Variants in CSMD1 observed in about 807,000 individuals in gnomAD.
CSMD1 encodes the protein CUB and Sushi multiple domains 1, also known as CUB and sushi domain-containing protein 1.
In CSMD1, 213 loss-of-function variants were observed where a neutral mutation model predicts 417.5. The observed-to-expected ratio is 0.51, with a 90% CI of 0.46 to 0.57. The LOEUF (loss-of-function observed/expected upper bound fraction) is 0.57. Ranked by LOEUF, CSMD1 falls within the 20% of genes least tolerant of loss-of-function variation. The pLI, the probability that CSMD1 is intolerant of heterozygous loss-of-function variation, is 0.00. For synonymous variants in CSMD1, 2,862 were observed against 1,736.8 expected, an observed-to-expected ratio of 1.65 and a Z score of -16.11; for missense variants, 6,923 against 4,529.7, an observed-to-expected ratio of 1.53 and a Z score of -15.17.
At chr8:4,911,856 G>A (rs915230155) in intron 1 of CSMD1, among the ~76,000 whole-genome samples, 2 of 151,824 alleles carry the variant, frequency 1.3e-5, no homozygotes, top group Non-Finnish European at 2.9e-5. Context: ...AAATAAATTT[G>A]ACAATTCCTC....
chr8:4,008,449 G>C (rs993783438), intron 4 of CSMD1, among the ~76,000 whole-genome samples: 2 of 151,454 alleles, frequency 1.3e-5, no homozygotes, highest in South Asian at 2.1e-4. Context: ...TTTGGTGACA[G>C]AATTAAATAA....
intron 1 of CSMD1, among the ~76,000 whole-genome samples, chr8:4,774,833 G>C (rs1585078654): frequency 6.9e-6 from 1 of 143,888 alleles, no homozygotes; most frequent in Non-Finnish European, 1.5e-5. Flanking sequence ...CCTCCTACTG[G>C]AGGCATGTGA....
At chr8:3,373,579 C>G (rs149766661) in intron 18 of CSMD1, 7 of 152,216 alleles carry the variant, frequency 4.6e-5, no homozygotes, top group African/African-American at 1.7e-4. Context: ...AATGAAATAC[C>G]TGAATTACAT....
intron 8 of CSMD1, among the ~76,000 whole-genome samples, chr8:3,595,031 C>A (rs1165915489): frequency 6.6e-6 from 1 of 152,212 alleles, no homozygotes; most frequent in Non-Finnish European, 1.5e-5. Flanking sequence ...TCAGCATCCA[C>A]GCGGCACGTG....
intron 3 of CSMD1, among the ~76,000 whole-genome samples, chr8:4,132,648 T>A (rs1803181658): frequency 4.6e-5 from 7 of 152,298 alleles, no homozygotes; most frequent in Admixed American, 4.6e-4. Context: ...ATAAATATTC[T>A]ATCTTCACAA....
At chr8:3,770,299 C>T (rs111314406) in intron 5 of CSMD1, among the ~76,000 whole-genome samples, 2 of 151,706 alleles carry the variant, frequency 1.3e-5, no homozygotes, top group East Asian at 1.9e-4. Flanking sequence ...AGGCCGAGGG[C>T]GGGGGTGGAT....
At chr8:3,793,353 A>T (rs1793040105) in intron 5 of CSMD1, among the ~76,000 whole-genome samples, 1 of 152,090 alleles carries the variant, frequency 6.6e-6, no homozygotes, top group South Asian at 2.1e-4. Flanking sequence ...TATCATTTAA[A>T]TTCTGTCATT....
chr8:4,112,221 G>A (rs1019328406), intron 3 of CSMD1, among the ~76,000 whole-genome samples: 1 of 152,064 alleles, frequency 6.6e-6, no homozygotes, highest in African/African-American at 2.4e-5. Context: ...CCTCTTTCAG[G>A]GGTGTGAAGC....
At chr8:3,905,160 T>G (rs1265953098) in intron 5 of CSMD1, among the ~76,000 whole-genome samples, 2 of 152,150 alleles carry the variant, frequency 1.3e-5, no homozygotes, top group African/African-American at 4.8e-5. Context: ...AAAGAATGAT[T>G]AATAACAGGC....
In CSMD1 at chr8:3,394,219, G is replaced by A. The variant is rs994843991; in HGVS notation, c.2593+1975C>T. ...TTTAAGATTATAAAAATAGTTGTCA[G>A]GATTACTTACATATTAAATTATTAT... On this transcript the variant is annotated intron_variant, in intron 17 of 69. Transcript: ENST00000635120. Among the ~76,000 whole-genome samples, 21 of 145,194 alleles carry A rather than the reference G, an allele frequency of 1.4e-4. No homozygotes were observed. In the Admixed American group the frequency reaches 1.5e-3, roughly 10 times the overall value.
intron 3 of CSMD1, among the ~76,000 whole-genome samples, chr8:4,120,400 C>T (rs573062661): frequency 5.3e-5 from 8 of 152,118 alleles, no homozygotes; most frequent in Non-Finnish European, 1.0e-4. Context: ...TGACCGTATG[C>T]CCATCCAATT....
intron 7 of CSMD1, among the ~76,000 whole-genome samples, chr8:3,698,395 C>G (rs1476493500): frequency 6.6e-6 from 1 of 152,154 alleles, no homozygotes; most frequent in Non-Finnish European, 1.5e-5. Flanking sequence ...TAGATTAGAG[C>G]AATTCTCCTT....
At chr8:3,425,843 A>C (rs184766879) in intron 12 of CSMD1, among the ~76,000 whole-genome samples, 5 of 152,238 alleles carry the variant, frequency 3.3e-5, no homozygotes, top group African/African-American at 1.2e-4. Flanking sequence ...AAGAACTATG[A>C]CCTGTTAGAA....
chr8:3,853,629 C>A (rs1225457767), intron 5 of CSMD1, among the ~76,000 whole-genome samples: 1 of 151,718 alleles, frequency 6.6e-6, no homozygotes, highest in Non-Finnish European at 1.5e-5. Context: ...ACCTTGTGCC[C>A]CTGTGAGCAA....
At chr8:4,628,774 C>T (rs1161607364) in intron 2 of CSMD1, among the ~76,000 whole-genome samples, 1 of 152,114 alleles carries the variant, frequency 6.6e-6, no homozygotes, top group East Asian at 1.9e-4. Context: ...GAGCTTCCCA[C>T]AGCCTCTACT....
intron 2 of CSMD1, among the ~76,000 whole-genome samples, chr8:4,466,538 G>A (rs894532813): frequency 2.0e-5 from 3 of 152,152 alleles, no homozygotes; most frequent in Admixed American, 1.3e-4. Context: ...GCTGTGTTTG[G>A]AAAACCATGA....
At chr8:3,360,043 A>G (rs1232002186) in intron 20 of CSMD1, among the ~76,000 whole-genome samples, 1 of 152,224 alleles carries the variant, frequency 6.6e-6, no homozygotes, top group Non-Finnish European at 1.5e-5. Context: ...CGCATGAAGC[A>G]TAACATAAAA....
chr8:4,975,367 A>G (rs1206235931), intron 1 of CSMD1, among the ~76,000 whole-genome samples: 1 of 152,250 alleles, frequency 6.6e-6, no homozygotes, highest in Non-Finnish European at 1.5e-5. Flanking sequence ...AATTGCACAC[A>G]TAGCAAGTAT....
chr8:3,495,612 T>G (rs1390726213), intron 10 of CSMD1, among the ~76,000 whole-genome samples: 1 of 152,232 alleles, frequency 6.6e-6, no homozygotes, highest in Non-Finnish European at 1.5e-5. Context: ...GCCTTGGTCT[T>G]GCATAGACAG....
Sources: gnomAD v4.1 joint callset for allele counts (sites outside exome capture counted in the v4.1 genomes callset) on GRCh38, gnomAD v4.1.1 for gene constraint, MANE v1.5 for transcripts, NCBI Gene and HGNC (gene_info 2026-07-23, HGNC 2026-07-21) for gene names.